Variants in ZBTB20 observed in about 807,000 individuals in gnomAD.
ZBTB20 encodes the protein zinc finger and BTB domain containing 20.
Under a neutral mutation model 56.9 loss-of-function variants are expected in ZBTB20, and 9 were observed. The ratio of observed to expected loss-of-function variants is 0.16; its 90% CI spans 0.10 to 0.28. The LOEUF is 0.28. ZBTB20 is among the 10% of genes least tolerant of loss of function. The pLI is 1.00. For synonymous variants in ZBTB20, 417 were observed against 420.7 expected (o/e 0.99, Z 0.11); for missense variants, 655 against 1,003.0 (o/e 0.65, Z 4.69).
At chr3:114,349,831 A>G (rs2080496533) in intron 11 of ZBTB20, among the ~76,000 whole-genome samples, 1 of 152,220 alleles carries the variant, frequency 6.6e-6, no homozygotes, top group African/African-American at 2.4e-5. Context: ...CTCATTTTAT[A>G]CACAAGGAAA....
chr3:114,673,015 T>A (rs1404951045), intron 6 of ZBTB20, among the ~76,000 whole-genome samples: 1 of 152,142 alleles, frequency 6.6e-6, no homozygotes. Flanking sequence ...CACACAGAAG[T>A]TTGAGAACCA....
chr3:114,973,295 G>T (rs934923572), intron 3 of ZBTB20, among the ~76,000 whole-genome samples: 7 of 151,966 alleles, frequency 4.6e-5, no homozygotes, highest in African/African-American at 1.5e-4. Context: ...AGAAAATATC[G>T]TAATTAAGCC....
chr3:114,658,832 C>G (rs1560094781), intron 6 of ZBTB20: 1 of 152,172 alleles, frequency 6.6e-6, no homozygotes, highest in African/African-American at 2.4e-5. Flanking sequence ...AATCTGGAAC[C>G]ATCTACCCTT....
intron 7 of ZBTB20, among the ~76,000 whole-genome samples, chr3:114,422,379 C>T (rs534728105): frequency 1.1e-4 from 16 of 152,236 alleles, no homozygotes; most frequent in South Asian, 4.1e-4. Context: ...TTTATGAACA[C>T]ACAGCAAGAA....
At chr3:114,661,383 C>A (rs1461275336) in intron 6 of ZBTB20, among the ~76,000 whole-genome samples, 1 of 152,118 alleles carries the variant, frequency 6.6e-6, no homozygotes, top group African/African-American at 2.4e-5. Flanking sequence ...GAATCCCGTT[C>A]TTCCCATATT....
At chr3:114,388,907 T>G (rs1392841043) in intron 8 of ZBTB20, 98 bp downstream of exon 8, 1 of 152,292 alleles carries the variant, frequency 6.6e-6, no homozygotes, top group African/African-American at 2.4e-5. Context: ...AATGAAGCCA[T>G]CTAAAATTTT....
At chr3:114,640,680 AAGTT>A (rs1292776253) in intron 6 of ZBTB20, among the ~76,000 whole-genome samples, 2 of 152,110 alleles carry the variant, frequency 1.3e-5, no homozygotes, top group African/African-American at 4.8e-5. Context: ...AGCTTTAAAA[AAGTT>A]AGTCATAACA....
chr3:114,386,157 C>T (rs775421119), intron 8 of ZBTB20, among the ~76,000 whole-genome samples: 1 of 152,152 alleles, frequency 6.6e-6, no homozygotes, highest in Non-Finnish European at 1.5e-5. Flanking sequence ...TGAGACCAAC[C>T]TATGGGACTC....
rs533865908 is a variant in ZBTB20, at chr3:114,769,383, A to G, written c.-343+31718T>C. On this transcript the variant is annotated intron_variant, in intron 5 of 11. Coordinates refer to ENST00000675478, the MANE Select transcript of ZBTB20 (RefSeq NM_001348800.3). ...GTGTGCATATATATATTATATACAC[A>G]CACTATCATACATATATACTATATA... Among the ~76,000 whole-genome samples, 12 of 151,704 alleles carry G rather than the reference A, an allele frequency of 7.9e-5. 1 individual carries two copies. The South Asian group carries it at 2.5e-3, about 31-fold the overall frequency.
intron 3 of ZBTB20, among the ~76,000 whole-genome samples, chr3:114,902,673 T>C (rs949631659): frequency 1.3e-5 from 2 of 152,124 alleles, no homozygotes; most frequent in Admixed American, 6.6e-5. Context: ...TAATAGGAGA[T>C]TAAGTATGAA....
At chr3:115,029,274 G>A (rs553110327) in intron 2 of ZBTB20, among the ~76,000 whole-genome samples, 1 of 150,764 alleles carries the variant, frequency 6.6e-6, no homozygotes, top group East Asian at 1.9e-4. Context: ...AAACCTCTAT[G>A]TCAATTCTCC....
intron 6 of ZBTB20, among the ~76,000 whole-genome samples, chr3:114,602,539 T>C (rs1345024074): frequency 2.0e-5 from 3 of 151,954 alleles, no homozygotes; most frequent in African/African-American, 7.2e-5. Flanking sequence ...TGATATGCTT[T>C]GTTTTTATGT....
At chr3:114,630,440 T>C (rs763385463) in intron 6 of ZBTB20, among the ~76,000 whole-genome samples, 49 of 152,198 alleles carry the variant, frequency 3.2e-4, no homozygotes, top group Non-Finnish European at 5.6e-4. Flanking sequence ...CACTCTGCTA[T>C]AAATTGCCCA....
intron 7 of ZBTB20, among the ~76,000 whole-genome samples, chr3:114,394,436 G>A (rs2086160831): frequency 6.6e-6 from 1 of 152,138 alleles, no homozygotes; most frequent in African/African-American, 2.4e-5. Context: ...TTATTTCCAC[G>A]ATGGTTCAGA....
intron 2 of ZBTB20, among the ~76,000 whole-genome samples, chr3:115,003,374 G>A (rs908227455): frequency 3.3e-5 from 5 of 151,534 alleles, no homozygotes; most frequent in African/African-American, 9.7e-5. Flanking sequence ...GAGGAGAAGG[G>A]TGAATGGGCA....
intron 5 of ZBTB20, among the ~76,000 whole-genome samples, chr3:114,766,489 ATG>A (rs71297433): frequency 0.074 from 10,285 of 138,910 alleles, 396 homozygotes; most frequent in Admixed American, 0.14. Flanking sequence ...TGGGATGGAA[ATG>A]TGTGTGTGTG....
Position 115,002,504 on chromosome 3 carries a change from G to C in ZBTB20, c.-506-28088C>G, listed in dbSNP as rs564989071. Among the ~76,000 whole-genome samples the C allele has an allele frequency of 7.9e-5, 12 of 151,372 alleles. 1 individual carries two copies. The highest frequency in any genetic ancestry group is 7.9e-4 in the Admixed American group (12 of 15,148). The stretch of plus-strand genomic sequence containing the variant: ...ACCAAAAACTATTAAAACTCAAGAA[G>C]AAAAACAACTTGATTAAAATGTGAG... On this transcript the variant is annotated intron_variant, in intron 2 of 11. Coordinates refer to ENST00000675478, the MANE Select transcript of ZBTB20 (RefSeq NM_001348800.3).
At chr3:114,792,829 C>G (rs1002700530) in intron 5 of ZBTB20, among the ~76,000 whole-genome samples, 2 of 151,864 alleles carry the variant, frequency 1.3e-5, no homozygotes, top group Middle Eastern at 3.2e-3. Context: ...ACAGTGCTAG[C>G]AATTCATAAG....
chr3:114,316,966 T>C lies in ZBTB20; in HGVS notation c.*22039A>G, dbSNP rs531802718. ...GAAGTATTGTGTTTACGTATCAAAA[T>C]TGCTAACTTTGACTATAATGGACTT... On this transcript the variant is annotated 3_prime_UTR_variant, in exon 12 of 12. Coordinates refer to ENST00000675478, the MANE Select transcript of ZBTB20 (RefSeq NM_001348800.3). 19 of 185,074 alleles carry C rather than the reference T, an allele frequency of 1.0e-4. No homozygotes were observed. In the South Asian group the frequency reaches 1.8e-3, roughly 18 times the overall value. 11.5% of individuals were successfully genotyped at this position (185,074 alleles called of 1,614,324 possible). A position where few individuals can be genotyped will look rare whatever the true frequency, so the allele number is the denominator to read the frequency against.
Sources: gnomAD v4.1 joint callset for allele counts (sites outside exome capture counted in the v4.1 genomes callset) on GRCh38, gnomAD v4.1.1 for gene constraint, MANE v1.5 for transcripts, NCBI Gene and HGNC (gene_info 2026-07-23, HGNC 2026-07-21) for gene names.